Variants in BMP6 observed in about 807,000 individuals in gnomAD.
BMP6 encodes the protein VG-1-R.
BMP6 carries 17 observed loss-of-function variants against 54.1 expected under a neutral mutation model. That is an observed-to-expected ratio of 0.31 (90% confidence interval 0.22 to 0.47). The LOEUF is 0.47. Ranked by LOEUF, BMP6 falls within the 20% of genes least tolerant of loss-of-function variation. BMP6 has a pLI of 1.00. For missense variants in BMP6, 720 were observed against 690.4 expected (o/e 1.04, Z -0.48); for synonymous variants, 328 against 291.2 (o/e 1.13, Z -1.28).
intron 2 of BMP6, among the ~76,000 whole-genome samples, chr6:7,856,595 A>ATTTGTTTTTTTTTTTT (rs1759237076): frequency 1.2e-5 from 1 of 83,116 alleles, no homozygotes; most frequent in Non-Finnish European, 2.2e-5. Context: ...TATCAAGAGC[A>ATTTGTTTTTTTTTTTT]TTTTTTTTTT....
chr6:7,730,320 A>G (rs1475833933), intron 1 of BMP6, among the ~76,000 whole-genome samples: 1 of 152,226 alleles, frequency 6.6e-6, no homozygotes, highest in Non-Finnish European at 1.5e-5. Flanking sequence ...ATCTAAAAAA[A>G]TCCCCTAAAA....
chr6:7,749,028 T>C (rs1757385860), intron 1 of BMP6, among the ~76,000 whole-genome samples: 1 of 152,250 alleles, frequency 6.6e-6, no homozygotes, highest in Admixed American at 6.5e-5. Flanking sequence ...TCCACATTGA[T>C]GCTACTAGTA....
chr6:7,760,752 G>A (rs149174353), intron 1 of BMP6, among the ~76,000 whole-genome samples: 1,837 of 152,370 alleles, frequency 0.012, 34 homozygotes, highest in African/African-American at 0.029. Context: ...ACAGGCGTGA[G>A]CCACCGTGCC....
chr6:7,854,584 G>A (rs576320342), intron 2 of BMP6, among the ~76,000 whole-genome samples: 165 of 152,306 alleles, frequency 1.1e-3, no homozygotes, highest in Middle Eastern at 3.4e-3. Context: ...GTCATTTGAG[G>A]TCGGAAGCTT....
chr6:7,770,883 G>A (rs1757773159), intron 1 of BMP6, among the ~76,000 whole-genome samples: 1 of 152,210 alleles, frequency 6.6e-6, no homozygotes. Flanking sequence ...CTCCCTTATT[G>A]AGTGAATCCA....
intron 1 of BMP6, among the ~76,000 whole-genome samples, chr6:7,822,578 A>C (rs1309439069): frequency 1.3e-5 from 2 of 152,038 alleles, no homozygotes; most frequent in African/African-American, 2.4e-5. Flanking sequence ...GCGTGTGTAC[A>C]AATACCTTCT....
intron 2 of BMP6, among the ~76,000 whole-genome samples, chr6:7,846,730 A>G (rs571220753): frequency 3.0e-4 from 45 of 152,348 alleles, no homozygotes; most frequent in Admixed American, 5.9e-4. Context: ...TTCAGTGGCT[A>G]TACTACTGAG....
chr6:7,816,899 G>A (rs948844128), intron 1 of BMP6, among the ~76,000 whole-genome samples: 3 of 152,086 alleles, frequency 2.0e-5, no homozygotes, highest in Non-Finnish European at 4.4e-5. Flanking sequence ...TTATTAGCTG[G>A]TCGTTCTTTT....
intron 5 of BMP6, among the ~76,000 whole-genome samples, chr6:7,879,422 A>C (rs1458412794): frequency 2.0e-5 from 3 of 151,864 alleles, no homozygotes; most frequent in Non-Finnish European, 2.9e-5. Flanking sequence ...CAATATTCTC[A>C]CCTCATCCTT....
intron 1 of BMP6, among the ~76,000 whole-genome samples, chr6:7,831,390 C>G (rs1444092967): frequency 3.3e-5 from 5 of 152,116 alleles, no homozygotes; most frequent in South Asian, 2.1e-4. Context: ...GGATGCACAA[C>G]ATTATGCATG....
chr6:7,787,760 C>G (rs1313431679), intron 1 of BMP6, among the ~76,000 whole-genome samples: 1 of 152,212 alleles, frequency 6.6e-6, no homozygotes, highest in Admixed American at 6.5e-5. Flanking sequence ...CCCTGAATTC[C>G]TGCCTCTCAA....
chr6:7,742,101 G>A (rs992970077), intron 1 of BMP6, among the ~76,000 whole-genome samples: 2 of 152,188 alleles, frequency 1.3e-5, no homozygotes, highest in African/African-American at 4.8e-5. Flanking sequence ...AAGCATGTGT[G>A]CTATTATAAG....
At chr6:7,727,741 G>A (rs757604200) in intron 1 of BMP6, 122 bp downstream of exon 1, 5 of 1,204,136 alleles carry the variant, frequency 4.2e-6, no homozygotes, top group African/African-American at 3.2e-5. Flanking sequence ...GTGCGCCAGA[G>A]AACGCGGGGA....
chr6:7,873,755 A>C (rs1431831727), intron 4 of BMP6, among the ~76,000 whole-genome samples: 4 of 152,076 alleles, frequency 2.6e-5, no homozygotes, highest in Non-Finnish European at 5.9e-5. Context: ...AGGGTTGTCA[A>C]AGCTTGGTGC....
At chr6:7,849,210 C>T (rs1372063525) in intron 2 of BMP6, among the ~76,000 whole-genome samples, 1 of 152,182 alleles carries the variant, frequency 6.6e-6, no homozygotes, top group African/African-American at 2.4e-5. Context: ...CAAATGTTTT[C>T]ATAGGTAGTG....
intron 1 of BMP6, 75 bp from the exon 2 acceptor site, chr6:7,845,065 G>A: frequency 1.5e-6 from 2 of 1,356,868 alleles, no homozygotes; most frequent in Non-Finnish European, 2.0e-6. Flanking sequence ...AGTCAAACGG[G>A]GAAACTGGTG....
chr6:7,770,180 G>A (rs1757761537), intron 1 of BMP6, among the ~76,000 whole-genome samples: 1 of 152,118 alleles, frequency 6.6e-6, no homozygotes, highest in Admixed American at 6.6e-5. Flanking sequence ...ATGCAGTGGA[G>A]CATTTTAAAT....
chr6:7,879,682 G>C (rs1355717788), intron 5 of BMP6, among the ~76,000 whole-genome samples: 8 of 152,106 alleles, frequency 5.3e-5, no homozygotes, highest in Non-Finnish European at 1.5e-5. Flanking sequence ...ACTTCCGCAG[G>C]AGCACCGTGG....
At chr6:7,834,164 T>C (rs142778018) in intron 1 of BMP6, among the ~76,000 whole-genome samples, 42 of 145,122 alleles carry the variant, frequency 2.9e-4, no homozygotes, top group African/African-American at 1.0e-3. Context: ...TGGCTGGTGG[T>C]GTTCCTCACA....
Sources: allele counts gnomAD v4.1 joint callset (sites outside exome capture counted in the v4.1 genomes callset), GRCh38; gene constraint gnomAD v4.1.1; transcripts MANE v1.5; gene names NCBI Gene and HGNC (gene_info 2026-07-23, HGNC 2026-07-21).